Variants in FBN1 observed in about 807,000 individuals in gnomAD.
FBN1 encodes fibrillin 1.
Under a neutral mutation model 365.1 loss-of-function variants are expected in FBN1, and 29 were observed. The ratio of observed to expected loss-of-function variants is 0.08; its 90% confidence interval spans 0.06 to 0.11. The LOEUF (loss-of-function observed/expected upper bound fraction) is 0.11. Ranked by LOEUF, FBN1 falls within the 10% of genes least tolerant of loss-of-function variation. The pLI, the probability that FBN1 is intolerant of heterozygous loss-of-function variation, is 1.00. For synonymous variants in FBN1, 1,210 were observed against 1,270.5 expected (o/e 0.95, Z 1.01); for missense variants, 2,476 against 3,703.2 (o/e 0.67, Z 8.60).
intron 6 of FBN1, among the ~76,000 whole-genome samples, chr15:48,549,956 G>C (rs2044128785): frequency 6.6e-6 from 1 of 152,208 alleles, no homozygotes; most frequent in Non-Finnish European, 1.5e-5. Context: ...CTAACTTTTA[G>C]TAACACATAC....
chr15:48,632,455 A>ATTT (rs1890005408), intron 2 of FBN1, among the ~76,000 whole-genome samples: 3 of 152,350 alleles, frequency 2.0e-5, no homozygotes, highest in African/African-American at 7.2e-5. Context: ...ATCTTAGGAC[A>ATTT]ACACAGAAAG....
intron 6 of FBN1, among the ~76,000 whole-genome samples, chr15:48,570,824 G>T (rs1231841919): frequency 6.6e-6 from 1 of 152,174 alleles, no homozygotes; most frequent in East Asian, 1.9e-4. Context: ...GACCAGCCCA[G>T]GCAAACTGGC....
intron 46 of FBN1, 22 bp downstream of exon 46, chr15:48,448,746 A>G (rs2043178050): frequency 3.1e-6 from 5 of 1,604,104 alleles, no homozygotes; most frequent in Non-Finnish European, 1.7e-6. Flanking sequence ...TATGAAAAAA[A>G]TAATAATAAT....
At chr15:48,626,028 T>C (rs1889869263) in intron 2 of FBN1, among the ~76,000 whole-genome samples, 1 of 152,140 alleles carries the variant, frequency 6.6e-6, no homozygotes, top group African/African-American at 2.4e-5. Context: ...AAAAGGTGGA[T>C]ATGTTTATAA....
Position 48,443,923 on chromosome 15 carries a change from T to C in FBN1, c.6037+618A>G, listed in dbSNP as rs139543871. ...GGCACATGCCTGTAGTCCCAGCTAC[T>C]CCAGAGGCTGAGACAGGATGATCAC... is the stretch of plus-strand genomic sequence containing the variant. On this transcript the variant is annotated intron_variant, in intron 49 of 65. Coordinates refer to ENST00000316623, the MANE Select transcript of FBN1 (RefSeq NM_000138.5). Among the ~76,000 whole-genome samples, 9 of 152,252 alleles carry C rather than the reference T, an allele frequency of 5.9e-5. No individual in the cohort carries two copies. The East Asian group carries it at 1.7e-3, about 29-fold the overall frequency.
At chr15:48,489,549 A>ATTACCT (rs995843838) in intron 25 of FBN1, among the ~76,000 whole-genome samples, 3 of 152,168 alleles carry the variant, frequency 2.0e-5, no homozygotes, top group African/African-American at 7.2e-5. Context: ...TCAGCAATGA[A>ATTACCT]TTACCATAGC....
chr15:48,441,936 C>T (rs958863961), intron 49 of FBN1, 90 bp from the exon 50 acceptor site: 125 of 1,388,616 alleles, frequency 9.0e-5, no homozygotes, highest in Middle Eastern at 7.3e-4. Flanking sequence ...CAAAGGGCAA[C>T]TGAGTTTCCA....
chr15:48,472,659 C>T lies in FBN1; in HGVS notation c.4228G>A (p.Glu1410Lys), dbSNP rs371279249. ...FTCTDLDECS[E>K]NLNLCGNGQC... Reference sequence around the variant, plus strand: ...CCATTGCCACAGAGATTCAGGTTCTCAGAGCACTCATCAAGGTCTACAGCC... The same window carrying T: ...CCATTGCCACAGAGATTCAGGTTCTTAGAGCACTCATCAAGGTCTACAGCC... Residue 1410 changes from glutamate to lysine, a missense_variant, in exon 35 of 66, where the codon GAG becomes AAG. Coordinates refer to ENST00000316623, the MANE Select transcript of FBN1 (RefSeq NM_000138.5). The T allele has an allele frequency of 6.2e-7, 1 of 1,614,160 alleles. No homozygotes were observed. The highest frequency in any genetic ancestry group is 8.5e-7 in the Non-Finnish European group (1 of 1,180,020).
intron 44 of FBN1, among the ~76,000 whole-genome samples, chr15:48,456,002 G>A (rs745683880): frequency 3.9e-5 from 6 of 152,124 alleles, no homozygotes; most frequent in Non-Finnish European, 7.3e-5. Context: ...TTAATAACCA[G>A]TAATGTCCCT....
intron 36 of FBN1, among the ~76,000 whole-genome samples, chr15:48,469,966 C>T (rs552837493): frequency 5.3e-5 from 8 of 152,060 alleles, no homozygotes; most frequent in Non-Finnish European, 1.2e-4. Flanking sequence ...AGATTTTTTC[C>T]GGAAATTTGA....
intron 2 of FBN1, among the ~76,000 whole-genome samples, chr15:48,639,415 G>A (rs1890158912): frequency 6.6e-6 from 1 of 152,158 alleles, no homozygotes; most frequent in African/African-American, 2.4e-5. Context: ...TTGTTATTAT[G>A]TATTTGTTTA....
At chr15:48,599,978 T>G (rs748334349) in intron 5 of FBN1, among the ~76,000 whole-genome samples, 161 bp downstream of exon 5, 1 of 152,150 alleles carries the variant, frequency 6.6e-6, no homozygotes, top group Non-Finnish European at 1.5e-5. Context: ...TGGTGTTAAG[T>G]TTTTTGAGTA....
chr15:48,626,279 G>A (rs1438692541), intron 2 of FBN1, among the ~76,000 whole-genome samples: 1 of 150,396 alleles, frequency 6.6e-6, no homozygotes, highest in Non-Finnish European at 1.5e-5. Flanking sequence ...AAAATGAAAA[G>A]TATAATTACT....
chr15:48,583,484 T>C (rs1466346773), intron 6 of FBN1, among the ~76,000 whole-genome samples: 5 of 152,230 alleles, frequency 3.3e-5, no homozygotes, highest in Admixed American at 3.3e-4. Context: ...ACTTAAGGTC[T>C]TACAGCCACC....
intron 32 of FBN1, among the ~76,000 whole-genome samples, chr15:48,481,205 G>A (rs2043461948): frequency 6.6e-6 from 1 of 152,176 alleles, no homozygotes; most frequent in African/African-American, 2.4e-5. Flanking sequence ...GGCACTGGAA[G>A]ACTAGTGAGA....
chr15:48,415,468 G>A lies in FBN1; in HGVS notation c.8051+68C>T, dbSNP rs1048977101. 4.9e-6 allele frequency: 6 copies of A among 1,219,742 alleles called. No homozygotes were observed. The African/African-American group carries it at 7.4e-5, about 15-fold the overall frequency. 75.6% of individuals were successfully genotyped at this position (1,219,742 alleles called of 1,614,324 possible). On this transcript the variant is annotated intron_variant, in intron 64 of 65. Coordinates refer to ENST00000316623, the MANE Select transcript of FBN1 (RefSeq NM_000138.5). ...CCTCTGCTAGGACAGGTAATTTTGA[G>A]TTCAGTATACTTAATTATATTACGA... is the stretch of plus-strand genomic sequence containing the variant.
chr15:48,503,760 C>T (rs577284235), intron 17 of FBN1, 27 bp downstream of exon 17: 16 of 1,612,948 alleles, frequency 9.9e-6, no homozygotes, highest in East Asian at 4.5e-5. Flanking sequence ...GCTGGCAGTA[C>T]GAGGGCATCT....
chr15:48,531,056 C>T (rs533755452), intron 8 of FBN1, among the ~76,000 whole-genome samples: 13 of 152,250 alleles, frequency 8.5e-5, no homozygotes, highest in African/African-American at 2.9e-4. Flanking sequence ...TTTCAGCATG[C>T]GTACTCTACA....
chr15:48,568,307 T>G (rs573316557), intron 6 of FBN1, among the ~76,000 whole-genome samples: 1 of 152,054 alleles, frequency 6.6e-6, no homozygotes, highest in African/African-American at 2.4e-5. Flanking sequence ...ATAAATCTAA[T>G]GACAAAAGTG....
Sources: allele counts gnomAD v4.1 joint callset (sites outside exome capture counted in the v4.1 genomes callset), GRCh38; gene constraint gnomAD v4.1.1; transcripts MANE v1.5; gene names NCBI Gene and HGNC (gene_info 2026-07-23, HGNC 2026-07-21).